Variants in SYCP2L observed in about 807,000 individuals in gnomAD.
The protein encoded by SYCP2L is synaptonemal complex protein 2-like.
Under a neutral mutation model 125.8 loss-of-function variants are expected in SYCP2L, and 98 were observed. That is an observed-to-expected ratio of 0.78 (90% confidence interval 0.66 to 0.92). SYCP2L has a LOEUF of 0.92. Ranked by LOEUF, SYCP2L falls within the 40% of genes least tolerant of loss-of-function variation. The pLI is 0.00. For missense variants in SYCP2L, 842 were observed against 936.4 expected (o/e 0.90, Z 1.32); for synonymous variants, 317 against 325.4 (o/e 0.97, Z 0.28).
chr6:10,966,939 G>A (rs1046480503), intron 29 of SYCP2L, among the ~76,000 whole-genome samples: 2 of 152,036 alleles, frequency 1.3e-5, no homozygotes, highest in Non-Finnish European at 2.9e-5. Flanking sequence ...GTCAATAAGT[G>A]TGAAAACTTA....
intron 20 of SYCP2L, among the ~76,000 whole-genome samples, chr6:10,933,653 A>AT (rs1235837830): frequency 1.3e-5 from 2 of 152,124 alleles, no homozygotes; most frequent in African/African-American, 2.4e-5. Context: ...CTTAGTATTT[A>AT]TTTTTTTGTG....
intron 26 of SYCP2L, among the ~76,000 whole-genome samples, chr6:10,960,858 C>T (rs886268084): frequency 1.3e-5 from 2 of 152,070 alleles, no homozygotes; most frequent in African/African-American, 4.8e-5. Flanking sequence ...GGCGGATCAC[C>T]TGAGGTCAGG....
intron 8 of SYCP2L, among the ~76,000 whole-genome samples, chr6:10,905,767 T>G (rs1232665228): frequency 1.3e-5 from 2 of 152,196 alleles, no homozygotes; most frequent in African/African-American, 4.8e-5. Context: ...TGAATTCACT[T>G]TACAAGAGGG....
At chr6:10,907,896 T>TTTTG (rs958621706) in intron 10 of SYCP2L, among the ~76,000 whole-genome samples, 1 of 126,970 alleles carries the variant, frequency 7.9e-6, no homozygotes, top group African/African-American at 3.3e-5. Context: ...AGATAGGTTT[T>TTTTG]TTTTTTTTTT....
chr6:10,898,619 T>C (rs1308012179), intron 5 of SYCP2L, among the ~76,000 whole-genome samples: 2 of 152,228 alleles, frequency 1.3e-5, no homozygotes, highest in East Asian at 3.8e-4. Context: ...TTTATTATCA[T>C]ACAAATATAT....
chr6:10,956,314 C>A, intron 25 of SYCP2L, 72 bp downstream of exon 25: 1 of 1,107,780 alleles, frequency 9.0e-7, no homozygotes, highest in Non-Finnish European at 1.3e-6. Context: ...TGAAATAAGC[C>A]AGACAGTACC....
intron 6 of SYCP2L, among the ~76,000 whole-genome samples, chr6:10,900,111 T>C (rs145569967): frequency 1.3e-5 from 2 of 152,328 alleles, no homozygotes; most frequent in Non-Finnish European, 2.9e-5. Flanking sequence ...CTGTTCTAGA[T>C]GACTGTGTTA....
intron 10 of SYCP2L, among the ~76,000 whole-genome samples, chr6:10,908,440 C>CT (rs546899480): frequency 2.0e-5 from 3 of 150,188 alleles, no homozygotes; most frequent in Non-Finnish European, 4.5e-5. Flanking sequence ...AGAAACAATA[C>CT]TTTTTTTTTT....
chr6:10,928,215 T>TA (rs1185792902), intron 17 of SYCP2L, among the ~76,000 whole-genome samples, 188 bp from the exon 18 acceptor site: 6 of 151,666 alleles, frequency 4.0e-5, no homozygotes, highest in Non-Finnish European at 8.8e-5. Flanking sequence ...GGTATTGTGA[T>TA]ACCCTTGTGA....
chr6:10,930,879 GT>G (rs556805379), intron 19 of SYCP2L, among the ~76,000 whole-genome samples: 118 of 152,316 alleles, frequency 7.7e-4, no homozygotes, highest in African/African-American at 2.7e-3. Flanking sequence ...TCTTAGGTAG[GT>G]AAAACTACAA....
intron 2 of SYCP2L, 69 bp from the exon 3 acceptor site, chr6:10,893,798 C>T: frequency 6.6e-7 from 1 of 1,505,174 alleles, no homozygotes; most frequent in South Asian, 1.2e-5. Context: ...ATAATGAGAT[C>T]AGTTAGAAAA....
At chr6:10,906,394 C>T (rs1054281702) in intron 9 of SYCP2L, among the ~76,000 whole-genome samples, 3 of 151,882 alleles carry the variant, frequency 2.0e-5, no homozygotes, top group African/African-American at 4.8e-5. Context: ...ATTTGTTTTT[C>T]GTTCCCAAGC....
chr6:10,950,266 C>T (rs542098821), intron 23 of SYCP2L, among the ~76,000 whole-genome samples: 4 of 152,124 alleles, frequency 2.6e-5, no homozygotes, highest in South Asian at 2.1e-4. Context: ...TATATTAAGA[C>T]CCAATTTGAC....
intron 2 of SYCP2L, among the ~76,000 whole-genome samples, 198 bp from the exon 3 acceptor site, chr6:10,893,669 G>A (rs947817889): frequency 6.6e-6 from 1 of 152,096 alleles, no homozygotes; most frequent in Non-Finnish European, 1.5e-5. Context: ...CCACATTTTG[G>A]GAACTCTTGT....
intron 29 of SYCP2L, among the ~76,000 whole-genome samples, chr6:10,973,362 G>A (rs915747225): frequency 5.9e-5 from 9 of 152,106 alleles, no homozygotes; most frequent in Admixed American, 5.9e-4. Context: ...GCGAAACCCC[G>A]TCTCTACTAA....
intron 9 of SYCP2L, among the ~76,000 whole-genome samples, chr6:10,906,733 G>T (rs1014490052): frequency 6.6e-6 from 1 of 151,714 alleles, no homozygotes; most frequent in East Asian, 1.9e-4. Flanking sequence ...GAGTAGCTGG[G>T]ATTACAGGCA....
intron 14 of SYCP2L, among the ~76,000 whole-genome samples, chr6:10,914,831 C>T (rs1309462738): frequency 6.8e-6 from 1 of 148,016 alleles, no homozygotes; most frequent in Non-Finnish European, 1.5e-5. Flanking sequence ...ACTGCAACCT[C>T]TGCCTCCTGG....
rs146203045 is a variant in SYCP2L at position 10,910,762 on chromosome 6, G to A, written c.873-62G>A. The A allele has an allele frequency of 7.7e-4, 1,197 of 1,554,876 alleles. 8 individuals are homozygous for A. The African/African-American group carries it at 0.014, about 18-fold the overall frequency. The stretch of plus-strand genomic sequence containing the variant: ...TAGTTATAAGTGCTTGTTGCGGAAC[G>A]TCTGTAGATGTGTTTAAGATTCATT... On this transcript the variant is annotated intron_variant, in intron 11 of 29. Coordinates refer to ENST00000283141, the MANE Select transcript of SYCP2L (RefSeq NM_001040274.3).
chr6:10,918,986 A>T (rs1339321845), intron 14 of SYCP2L, among the ~76,000 whole-genome samples: 1 of 151,820 alleles, frequency 6.6e-6, no homozygotes, highest in African/African-American at 2.4e-5. Context: ...TTCTTGTATG[A>T]TTTTTTTATT....
Sources: allele counts gnomAD v4.1 joint callset (sites outside exome capture counted in the v4.1 genomes callset), GRCh38; gene constraint gnomAD v4.1.1; transcripts MANE v1.5; gene names NCBI Gene and HGNC (gene_info 2026-07-23, HGNC 2026-07-21).